The following ITGBL1 variants were observed in gnomAD, a reference collection of about 807,000 sequenced individuals.
ITGBL1 encodes the protein integrin subunit beta like 1, also known as integrin beta-like protein 1.
In ITGBL1, 51 loss-of-function variants were observed where a neutral mutation model predicts 68.5. The ratio of observed to expected loss-of-function variants is 0.74; its 90% CI spans 0.59 to 0.94. ITGBL1 has a LOEUF of 0.94. Ranked by LOEUF, ITGBL1 falls within the 40% of genes least tolerant of loss-of-function variation. ITGBL1 has a pLI of 0.00. For synonymous variants in ITGBL1, 209 were observed against 227.3 expected, an observed-to-expected ratio of 0.92 and a Z score of 0.72; for missense variants, 649 against 647.4, an observed-to-expected ratio of 1.00 and a Z score of -0.03.
intron 8 of ITGBL1, among the ~76,000 whole-genome samples, chr13:101,698,524 A>G (rs551423735): frequency 6.6e-6 from 1 of 152,236 alleles, no homozygotes; most frequent in African/African-American, 2.4e-5. Context: ...GAAAATCAGC[A>G]TGAAGTGAGA....
Position 101,487,950 on chromosome 13 carries a change from G to A in ITGBL1, c.316+33850G>A, listed in dbSNP as rs141493718. ...AGTGTGAAACTGGCACAGGGGGCCT[G>A]ACTGCAAACAGCCATGCAGGGAGGT... On this transcript the variant is annotated intron_variant, in intron 2 of 10. Coordinates refer to ENST00000376180, the MANE Select transcript of ITGBL1 (RefSeq NM_004791.3). Among the ~76,000 whole-genome samples, 6 of 152,318 alleles carry A rather than the reference G, an allele frequency of 3.9e-5. No homozygotes were observed. In the East Asian group the frequency reaches 1.2e-3, roughly 29 times the overall value.
At chr13:101,502,238 A>G (rs138753635) in intron 2 of ITGBL1, among the ~76,000 whole-genome samples, 354 of 152,326 alleles carry the variant, frequency 2.3e-3, no homozygotes, top group African/African-American at 8.2e-3. Flanking sequence ...TAAAACACAC[A>G]TTAAGGAAAC....
chr13:101,629,495 G>A (rs189346275), intron 7 of ITGBL1, among the ~76,000 whole-genome samples: 63 of 151,810 alleles, frequency 4.1e-4, no homozygotes, highest in Non-Finnish European at 8.0e-4. Flanking sequence ...TAAAAACATT[G>A]TCAGTATTCA....
At chr13:101,704,630 T>C (rs1349239121) in intron 8 of ITGBL1, among the ~76,000 whole-genome samples, 1 of 152,016 alleles carries the variant, frequency 6.6e-6, no homozygotes, top group Non-Finnish European at 1.5e-5. Flanking sequence ...TACCTTCAAA[T>C]GATGTGGTGG....
chr13:101,465,737 AC>A (rs1248886640), intron 2 of ITGBL1, among the ~76,000 whole-genome samples: 1 of 152,172 alleles, frequency 6.6e-6, no homozygotes, highest in Non-Finnish European at 1.5e-5. Context: ...GGTACTTCTG[AC>A]TTTTTTGAAG....
intron 2 of ITGBL1, among the ~76,000 whole-genome samples, chr13:101,501,298 A>C (rs2048936813): frequency 6.6e-6 from 1 of 152,150 alleles, no homozygotes; most frequent in South Asian, 2.1e-4. Context: ...TCCTCTGCAG[A>C]ATCCTTGCAG....
intron 8 of ITGBL1, among the ~76,000 whole-genome samples, chr13:101,697,116 A>T (rs1469451805): frequency 6.6e-6 from 1 of 151,654 alleles, no homozygotes; most frequent in East Asian, 1.9e-4. Context: ...TTCACATATT[A>T]CTTACTCATG....
At chr13:101,583,398 G>T (rs375559795) in intron 6 of ITGBL1, 42 bp downstream of exon 6, 1 of 1,414,050 alleles carries the variant, frequency 7.1e-7, no homozygotes. Flanking sequence ...AGGGGGAGGT[G>T]GGGCTTGTTA....
chr13:101,625,641 C>T (rs1190167385), intron 7 of ITGBL1, among the ~76,000 whole-genome samples: 4 of 151,890 alleles, frequency 2.6e-5, no homozygotes, highest in Non-Finnish European at 4.4e-5. Flanking sequence ...CAACCTCTGT[C>T]TCCTGGGTTC....
At chr13:101,625,554 G>C in intron 7 of ITGBL1, among the ~76,000 whole-genome samples, 1 of 69,862 alleles carries the variant, frequency 1.4e-5, no homozygotes, top group East Asian at 5.1e-4. Flanking sequence ...AATAGTAATG[G>C]CTAATTTTTT....
chr13:101,660,373 T>C (rs1432951709), intron 7 of ITGBL1, among the ~76,000 whole-genome samples: 1 of 152,046 alleles, frequency 6.6e-6, no homozygotes, highest in Non-Finnish European at 1.5e-5. Context: ...GCCACAGGAC[T>C]CAGGACTGGT....
At chr13:101,666,641 G>C (rs1247099497) in intron 7 of ITGBL1, among the ~76,000 whole-genome samples, 1 of 151,974 alleles carries the variant, frequency 6.6e-6, no homozygotes, top group Non-Finnish European at 1.5e-5. Context: ...GGTTACATGT[G>C]TCTAATGATT....
At chr13:101,702,493 T>C (rs981528733) in intron 8 of ITGBL1, among the ~76,000 whole-genome samples, 2 of 152,184 alleles carry the variant, frequency 1.3e-5, no homozygotes, top group Non-Finnish European at 2.9e-5. Flanking sequence ...ATTCATGCTG[T>C]AAATTTCTTT....
intron 7 of ITGBL1, among the ~76,000 whole-genome samples, chr13:101,623,446 T>C (rs1436359174): frequency 6.6e-6 from 1 of 152,196 alleles, no homozygotes; most frequent in Admixed American, 6.5e-5. Flanking sequence ...TAACATACAA[T>C]TGTCATTTTG....
intron 5 of ITGBL1, among the ~76,000 whole-genome samples, chr13:101,581,246 A>G (rs1194870602): frequency 6.6e-6 from 1 of 152,196 alleles, no homozygotes; most frequent in African/African-American, 2.4e-5. Context: ...CACGTGGCTG[A>G]GAAGCTGCTT....
chr13:101,497,671 C>T (rs1238967410), intron 2 of ITGBL1, among the ~76,000 whole-genome samples: 1 of 152,170 alleles, frequency 6.6e-6, no homozygotes, highest in Non-Finnish European at 1.5e-5. Context: ...CTCACTGTCT[C>T]TAGTGGTACT....
rs184442047 is a variant in ITGBL1 at position 101,662,980 on chromosome 13, T to C, written c.1016-29605T>C. 1.2e-4 allele frequency among the ~76,000 whole-genome samples: 19 copies of C among 152,250 alleles called. 1 individual carries two copies. In the East Asian group the frequency reaches 3.7e-3, roughly 29 times the overall value. Reference sequence around the variant, plus strand: ...TCACTTATTGCCCCAGTAAATTCCATTATTTGGAACTGTACCTCTATACTT... The same window carrying C: ...TCACTTATTGCCCCAGTAAATTCCACTATTTGGAACTGTACCTCTATACTT... On this transcript the variant is annotated intron_variant, in intron 7 of 10. Coordinates refer to ENST00000376180, the MANE Select transcript of ITGBL1 (RefSeq NM_004791.3).
chr13:101,570,446 T>C (rs1399951181), intron 3 of ITGBL1, among the ~76,000 whole-genome samples: 1 of 152,184 alleles, frequency 6.6e-6, no homozygotes, highest in East Asian at 1.9e-4. Flanking sequence ...GTGAAAATGG[T>C]ATTTGAATAA....
intron 2 of ITGBL1, among the ~76,000 whole-genome samples, chr13:101,495,950 A>G (rs2048851957): frequency 6.6e-6 from 1 of 152,190 alleles, no homozygotes; most frequent in African/African-American, 2.4e-5. Context: ...ATTTCATAAT[A>G]TAGTGAAACA....
Sources: gnomAD v4.1 joint callset for allele counts (sites outside exome capture counted in the v4.1 genomes callset) on GRCh38, gnomAD v4.1.1 for gene constraint, MANE v1.5 for transcripts, NCBI Gene and HGNC (gene_info 2026-07-23, HGNC 2026-07-21) for gene names.